Variants in FNIP1 observed in about 807,000 individuals in gnomAD.
FNIP1 encodes folliculin-interacting protein 1.
Under a neutral mutation model 124.5 loss-of-function variants are expected in FNIP1, and 40 were observed. That is an observed-to-expected ratio of 0.32 (90% confidence interval 0.25 to 0.42). FNIP1 has a LOEUF of 0.42. Among genes scored for constraint, FNIP1 ranks in the 10% least tolerant of loss-of-function variants. The pLI is 1.00. For synonymous variants in FNIP1, 472 were observed against 470.6 expected (o/e 1.00, Z -0.04); for missense variants, 1,176 against 1,403.7 (o/e 0.84, Z 2.59).
intron 5 of FNIP1, among the ~76,000 whole-genome samples, chr5:131,717,051 A>T (rs1041656597): frequency 6.6e-6 from 1 of 151,862 alleles, no homozygotes; most frequent in Admixed American, 6.6e-5. Flanking sequence ...GGTTTGTTAC[A>T]TATGTATACA....
intron 10 of FNIP1, among the ~76,000 whole-genome samples, chr5:131,700,234 G>A (rs181181268): frequency 7.2e-4 from 109 of 151,522 alleles, no homozygotes; most frequent in South Asian, 4.0e-3. Context: ...CGCCTGCCTC[G>A]GCCTCCCAAA....
At chr5:131,786,567 G>C (rs911629434) in intron 1 of FNIP1, among the ~76,000 whole-genome samples, 1 of 152,182 alleles carries the variant, frequency 6.6e-6, no homozygotes, top group African/African-American at 2.4e-5. Context: ...GGATTAGAGT[G>C]CTATAGTTTG....
intron 2 of FNIP1, among the ~76,000 whole-genome samples, chr5:131,733,525 G>A (rs940100266): frequency 1.2e-4 from 19 of 152,152 alleles, no homozygotes; most frequent in Non-Finnish European, 2.4e-4. Flanking sequence ...TTTATTGAGA[G>A]TTTTTAGCAT....
chr5:131,649,363 T>C lies in FNIP1; in HGVS notation c.3307-2158A>G, dbSNP rs1200396062. Among the ~76,000 whole-genome samples the C allele has an allele frequency of 3.3e-5, 5 of 152,190 alleles. No individual in the cohort carries two copies. In the South Asian group the frequency reaches 8.3e-4, roughly 25 times the overall value. On this transcript the variant is annotated intron_variant, in intron 16 of 17. Coordinates refer to ENST00000510461, the MANE Select transcript of FNIP1 (RefSeq NM_133372.3). ...TTTATCATAGTCATCCTTACAGGTATTGAATGGCAGCTCACTGTGGTTTTA... is the reference window on the plus strand; with the variant it reads ...TTTATCATAGTCATCCTTACAGGTACTGAATGGCAGCTCACTGTGGTTTTA...
chr5:131,718,189 G>GA lies in FNIP1; in HGVS notation c.530+796dup, dbSNP rs542460464. ...TGGTGACACAGTGAGGCTCCATCTC[G>GA]AAAAAAAAAAAAAAAGACTACCTCC... On this transcript the variant is annotated intron_variant, in intron 5 of 17. Coordinates refer to ENST00000510461, the MANE Select transcript of FNIP1 (RefSeq NM_133372.3). Among the ~76,000 whole-genome samples the GA allele has an allele frequency of 6.7e-3, 809 of 121,330 alleles. 6 individuals carry two copies. Among genetic ancestry groups the GA allele is most frequent in the South Asian group, 0.04 (155 of 3,856 alleles). The allele number at this position is 121,330 out of a possible 152,430, so 79.6% of individuals were successfully genotyped here.
rs1194845068 is a variant in FNIP1, at chr5:131,672,776, A to G, written c.1668T>C (p.Asn556=). ...GCATAACGATGGCTTCATCTTCTCC[A>G]TTTTCTAAAAGATGCGTTTCTTGAA... The part of the protein sequence containing the change: ...SELQETHLLE[N]GEDEAIVMPG... The change falls in exon 14 of 18, where the codon AAT becomes AAC. Residue 556 remains asparagine (N), a synonymous_variant. Coordinates refer to ENST00000510461, the MANE Select transcript of FNIP1 (RefSeq NM_133372.3). 6.2e-7 allele frequency: 1 copy of G among 1,613,646 alleles called. No individual in the cohort carries two copies. Among genetic ancestry groups the G allele is most frequent in the Admixed American group, 1.7e-5 (1 of 59,864 alleles).
intron 1 of FNIP1, among the ~76,000 whole-genome samples, chr5:131,784,268 G>C (rs1018605740): frequency 6.6e-6 from 1 of 152,002 alleles, no homozygotes; most frequent in African/African-American, 2.4e-5. Flanking sequence ...AAATACTAAT[G>C]ATTTCAAAGA....
rs183272660 is a variant in FNIP1, at chr5:131,718,065, G to A, written c.530+921C>T. On this transcript the variant is annotated intron_variant, in intron 5 of 17. Coordinates refer to ENST00000510461, the MANE Select transcript of FNIP1 (RefSeq NM_133372.3). The stretch of plus-strand genomic sequence containing the variant: ...AAGTCAGCCGGGCGTGGTGGCCTGC[G>A]CCTGTAGTCCCACCTACTCTGGAGG... 6.6e-5 allele frequency among the ~76,000 whole-genome samples: 10 copies of A among 150,886 alleles called. No homozygotes were observed. The East Asian group carries it at 9.7e-4, about 15-fold the overall frequency.
At chr5:131,720,820 A>G (rs1371984952) in intron 3 of FNIP1, among the ~76,000 whole-genome samples, 1 of 152,212 alleles carries the variant, frequency 6.6e-6, no homozygotes, top group Non-Finnish European at 1.5e-5. Context: ...TATAATCAAA[A>G]AAGCAAAGAC....
intron 1 of FNIP1, among the ~76,000 whole-genome samples, chr5:131,789,461 T>C (rs1255477305): frequency 6.6e-6 from 1 of 152,256 alleles, no homozygotes; most frequent in East Asian, 1.9e-4. Context: ...ATCAGAACAC[T>C]GCAAGTGAAA....
chr5:131,663,488 G>A (rs146395365), intron 15 of FNIP1, among the ~76,000 whole-genome samples: 195 of 152,222 alleles, frequency 1.3e-3, no homozygotes, highest in Admixed American at 3.3e-3. Context: ...TTTAATCCCT[G>A]TAGGTCTCAT....
chr5:131,711,844 ACTT>A (rs1769300952), intron 6 of FNIP1, among the ~76,000 whole-genome samples: 1 of 152,234 alleles, frequency 6.6e-6, no homozygotes, highest in Non-Finnish European at 1.5e-5. Context: ...TGTAGCAAGA[ACTT>A]CTATAATTAC....
chr5:131,697,986 AAAAG>A (rs1367615318), intron 11 of FNIP1, among the ~76,000 whole-genome samples: 3 of 150,500 alleles, frequency 2.0e-5, no homozygotes, highest in South Asian at 4.2e-4. Flanking sequence ...AAAAAAAAAA[AAAAG>A]AAAGAAAAAG....
At chr5:131,733,090 A>C (rs1295269205) in intron 2 of FNIP1, among the ~76,000 whole-genome samples, 5 of 152,096 alleles carry the variant, frequency 3.3e-5, no homozygotes, top group Non-Finnish European at 5.9e-5. Flanking sequence ...TCTTTGAAGC[A>C]ATTGTGAATG....
chr5:131,796,524 CA>C, intron 1 of FNIP1: 4 of 416,842 alleles, frequency 9.6e-6, no homozygotes, highest in Non-Finnish European at 1.7e-5. Context: ...CGTGTGGACC[CA>C]AAGTCTCAGG....
chr5:131,791,770 G>A (rs1772412395), intron 1 of FNIP1, among the ~76,000 whole-genome samples: 1 of 152,052 alleles, frequency 6.6e-6, no homozygotes, highest in Non-Finnish European at 1.5e-5. Flanking sequence ...ATATTGAGAT[G>A]ACACCAAATT....
intron 10 of FNIP1, among the ~76,000 whole-genome samples, chr5:131,701,009 G>GC (rs1239855123): frequency 6.6e-6 from 1 of 152,128 alleles, no homozygotes; most frequent in Non-Finnish European, 1.5e-5. Flanking sequence ...CAGCCTCTGG[G>GC]CCGTGGACCA....
chr5:131,679,870 A>C lies in FNIP1; in HGVS notation c.1203-695T>G, dbSNP rs112334753. 3.3e-3 allele frequency among the ~76,000 whole-genome samples: 502 copies of C among 152,332 alleles called. 2 individuals carry two copies. Among genetic ancestry groups the C allele is most frequent in the African/African-American group, 0.012 (481 of 41,574 alleles). ...CTTCAAAGCATACTTTCAAGATGTT[A>C]ATTATTTTCTTTTTACATCATTATC... On this transcript the variant is annotated intron_variant, in intron 11 of 17. Coordinates refer to ENST00000510461, the MANE Select transcript of FNIP1 (RefSeq NM_133372.3).
chr5:131,784,803 CAG>C (rs1051883462), intron 1 of FNIP1, among the ~76,000 whole-genome samples: 2 of 149,568 alleles, frequency 1.3e-5, no homozygotes, highest in African/African-American at 4.9e-5. Context: ...GCCTGGGCGA[CAG>C]AGTGAGACTG....
Sources: allele counts gnomAD v4.1 joint callset (sites outside exome capture counted in the v4.1 genomes callset), GRCh38; gene constraint gnomAD v4.1.1; transcripts MANE v1.5; gene names NCBI Gene and HGNC (gene_info 2026-07-23, HGNC 2026-07-21).